Variants in GABRG1 observed in about 807,000 individuals in gnomAD.
GABRG1 encodes gamma-aminobutyric acid receptor subunit gamma-1.
A neutral mutation model predicts 49.8 loss-of-function variants in GABRG1; 49 were observed. That is an observed-to-expected ratio of 0.98 (90% confidence interval 0.78 to 1.25). The LOEUF (loss-of-function observed/expected upper bound fraction) is 1.25. Among genes scored for constraint, GABRG1 ranks in the 50% most tolerant of loss-of-function variants. The probability of loss-of-function intolerance (pLI) is 0.00; values close to 1 mark genes in which losing one functional copy is unlikely to be tolerated. For missense variants in GABRG1, 552 were observed against 552.3 expected (o/e 1.00, Z 0.01); for synonymous variants, 232 against 185.1 (o/e 1.25, Z -2.06).
chr4:46,089,177 T>A (rs1174509600), intron 2 of GABRG1, among the ~76,000 whole-genome samples: 1 of 151,908 alleles, frequency 6.6e-6, no homozygotes, highest in Non-Finnish European at 1.5e-5. Flanking sequence ...TGAAAGGAGT[T>A]AAGGCAGGTG....
At chr4:46,043,120 C>G (rs945724452) in intron 8 of GABRG1, among the ~76,000 whole-genome samples, 2 of 151,668 alleles carry the variant, frequency 1.3e-5, no homozygotes, top group Non-Finnish European at 2.9e-5. Context: ...TGTTAGGAGG[C>G]AATTTTAAGA....
chr4:46,076,360 T>TATA (rs1410398766), intron 3 of GABRG1, among the ~76,000 whole-genome samples: 9 of 98,634 alleles, frequency 9.1e-5, no homozygotes, highest in African/African-American at 1.3e-4. Context: ...TTAGGTCATG[T>TATA]TCATATATAT....
chr4:46,101,725 T>A (rs1251855268), intron 1 of GABRG1, among the ~76,000 whole-genome samples: 1 of 151,754 alleles, frequency 6.6e-6, no homozygotes, highest in South Asian at 2.1e-4. Context: ...TATGATTATA[T>A]AACTTTTTTA....
intron 7 of GABRG1, among the ~76,000 whole-genome samples, chr4:46,057,508 C>G (rs1718498614): frequency 6.6e-6 from 1 of 151,966 alleles, no homozygotes; most frequent in Admixed American, 6.6e-5. Flanking sequence ...TGCAGGTTAT[C>G]ATTTTCTTTT....
chr4:46,094,816 A>C (rs1720115061), intron 2 of GABRG1, among the ~76,000 whole-genome samples: 1 of 151,960 alleles, frequency 6.6e-6, no homozygotes, highest in Non-Finnish European at 1.5e-5. Flanking sequence ...CAATAAGCTA[A>C]GATCTTGTAG....
intron 1 of GABRG1, among the ~76,000 whole-genome samples, chr4:46,118,116 ATATACGTGTGTG>A (rs1720983410): frequency 8.3e-6 from 1 of 119,778 alleles, no homozygotes; most frequent in Admixed American, 8.2e-5. Flanking sequence ...ATATATACAT[ATATACGTGTGTG>A]TGTGTATATA....
At chr4:46,042,077 A>T (rs997211847) in intron 8 of GABRG1, among the ~76,000 whole-genome samples, 1 of 151,986 alleles carries the variant, frequency 6.6e-6, no homozygotes, top group Non-Finnish European at 1.5e-5. Flanking sequence ...CTTCTGTACA[A>T]AAATGGCAAT....
At chr4:46,107,285 A>T (rs1014874853) in intron 1 of GABRG1, among the ~76,000 whole-genome samples, 15 of 151,258 alleles carry the variant, frequency 9.9e-5, no homozygotes, top group Non-Finnish European at 1.8e-4. Context: ...ATTTATCAGC[A>T]AAAGTTTTAT....
At chr4:46,109,507 T>G (rs1720655853) in intron 1 of GABRG1, among the ~76,000 whole-genome samples, 1 of 151,070 alleles carries the variant, frequency 6.6e-6, no homozygotes, top group African/African-American at 2.4e-5. Flanking sequence ...TGTGTCTCCA[T>G]TACATTCAGT....
intron 3 of GABRG1, among the ~76,000 whole-genome samples, chr4:46,082,869 C>T (rs1358121661): frequency 5.3e-5 from 8 of 151,878 alleles, no homozygotes; most frequent in Admixed American, 4.0e-4. Context: ...ACCATCTGGT[C>T]CTCAGATCTG....
chr4:46,076,831 G>C (rs896022909), intron 3 of GABRG1, among the ~76,000 whole-genome samples: 1 of 151,612 alleles, frequency 6.6e-6, no homozygotes, highest in Non-Finnish European at 1.5e-5. Flanking sequence ...TTTTGAATTT[G>C]TTTTCTAGGC....
chr4:46,036,784 C>A lies in GABRG1; in HGVS notation c.*4204G>T, dbSNP rs1191419225. ...ATCACACACAAATAAGATGAAACTT[C>A]TGCAGAAATTTTAATAATGTATCTT... On this transcript the variant is annotated 3_prime_UTR_variant, in exon 9 of 9. Transcript: ENST00000295452. 6.6e-6 allele frequency: 1 copy of A among 151,996 alleles called. No homozygotes were observed. The highest frequency in any genetic ancestry group is 1.5e-5 in the Non-Finnish European group (1 of 67,934). The allele number at this position is 151,996 out of a possible 1,614,324, so 9.4% of individuals were successfully genotyped here. A position where few individuals can be genotyped will look rare whatever the true frequency, so the allele number is the denominator to read the frequency against.
At chr4:46,123,628 G>T (rs2109451043) in intron 1 of GABRG1, among the ~76,000 whole-genome samples, 182 bp downstream of exon 1, 1 of 152,002 alleles carries the variant, frequency 6.6e-6, no homozygotes, top group South Asian at 2.1e-4. Context: ...TCAGAAATAT[G>T]TTACTTTCCT....
At chr4:46,050,232 T>C (rs1189739471) in intron 8 of GABRG1, among the ~76,000 whole-genome samples, 2 of 151,952 alleles carry the variant, frequency 1.3e-5, no homozygotes, top group African/African-American at 2.4e-5. Flanking sequence ...CACTGGCTAA[T>C]TCTACAATGC....
At chr4:46,048,590 AGAAGGAAG>A (rs548887445) in intron 8 of GABRG1, among the ~76,000 whole-genome samples, 8 of 147,874 alleles carry the variant, frequency 5.4e-5, no homozygotes, top group Admixed American at 1.4e-4. Context: ...CTTACTGGAA[AGAAGGAAG>A]GAAGGAAGGA....
At chr4:46,076,336 T>C (rs1207997362) in intron 3 of GABRG1, among the ~76,000 whole-genome samples, 1 of 140,350 alleles carries the variant, frequency 7.1e-6, no homozygotes, top group Non-Finnish European at 1.5e-5. Flanking sequence ...AAATATGAAC[T>C]ACCTAAATTT....
rs533186543 is a variant in GABRG1, at chr4:46,090,690, G to A, written c.253+6511C>T. Reference sequence around the variant, plus strand: ...TTTTAAATAAACACACACAGATGGTGAAGAAAGCAGAGCAAATCAGATAGC... The same window carrying A: ...TTTTAAATAAACACACACAGATGGTAAAGAAAGCAGAGCAAATCAGATAGC... On this transcript the variant is annotated intron_variant, in intron 2 of 8. Transcript: ENST00000295452. 6.6e-5 allele frequency among the ~76,000 whole-genome samples: 10 copies of A among 152,016 alleles called. No individual in the cohort carries two copies. The South Asian group carries it at 1.9e-3, about 28-fold the overall frequency.
intron 1 of GABRG1, among the ~76,000 whole-genome samples, chr4:46,109,819 G>C (rs1720664363): frequency 6.6e-6 from 1 of 150,992 alleles, no homozygotes; most frequent in South Asian, 2.1e-4. Flanking sequence ...TAATTGTATG[G>C]TTCCAAGAGA....
intron 7 of GABRG1, among the ~76,000 whole-genome samples, chr4:46,057,928 G>T (rs1004378566): frequency 6.6e-6 from 1 of 152,124 alleles, no homozygotes; most frequent in Middle Eastern, 3.4e-3. Flanking sequence ...TAGGAATTAC[G>T]TATGATTTTC....
Sources: allele counts gnomAD v4.1 joint callset (sites outside exome capture counted in the v4.1 genomes callset), GRCh38; gene constraint gnomAD v4.1.1; transcripts MANE v1.5; gene names NCBI Gene and HGNC (gene_info 2026-07-23, HGNC 2026-07-21).